Variants in PDE4D observed in about 807,000 individuals in gnomAD.
PDE4D encodes phosphodiesterase 4D.
PDE4D carries 24 observed loss-of-function variants against 87.4 expected under a neutral mutation model. The ratio of observed to expected loss-of-function variants is 0.27; its 90% CI spans 0.20 to 0.39. PDE4D has a LOEUF of 0.39. Among genes scored for constraint, PDE4D ranks in the 10% least tolerant of loss-of-function variants. The pLI, the probability that PDE4D is intolerant of heterozygous loss-of-function variation, is 1.00. For missense variants in PDE4D, 714 were observed against 1,041.0 expected, an observed-to-expected ratio of 0.69 and a Z score of 4.32; for synonymous variants, 384 against 383.2, an observed-to-expected ratio of 1.00 and a Z score of -0.02.
chr5:59,188,096 T>G (rs1743340900), intron 3 of PDE4D, among the ~76,000 whole-genome samples: 1 of 152,134 alleles, frequency 6.6e-6, no homozygotes. Flanking sequence ...TCTTTGCTTT[T>G]GTTCAGGGCA....
At chr5:59,466,259 A>C (rs1562238840) in intron 1 of PDE4D, among the ~76,000 whole-genome samples, 1 of 152,232 alleles carries the variant, frequency 6.6e-6, no homozygotes, top group African/African-American at 2.4e-5. Flanking sequence ...AGAACTTAAA[A>C]TACAATTTCT....
chr5:59,267,453 TTTCTC>T (rs1763034375), intron 1 of PDE4D, among the ~76,000 whole-genome samples: 2 of 152,122 alleles, frequency 1.3e-5, no homozygotes, highest in African/African-American at 4.8e-5. Context: ...CGGGAGCACT[TTTCTC>T]TAGGAAGTCT....
intron 1 of PDE4D, among the ~76,000 whole-genome samples, chr5:59,851,639 G>T (rs1463402323): frequency 6.6e-6 from 1 of 152,002 alleles, no homozygotes; most frequent in Non-Finnish European, 1.5e-5. Context: ...TATTTTGCTG[G>T]TGGGCCAGAT....
intron 1 of PDE4D, among the ~76,000 whole-genome samples, chr5:60,336,355 T>C (rs148793536): frequency 0.014 from 2,111 of 152,312 alleles, 49 homozygotes; most frequent in African/African-American, 0.048. Context: ...AAATATGTGT[T>C]TGTGGCATGG....
chr5:60,096,887 C>T (rs1406971270), intron 2 of PDE4D, among the ~76,000 whole-genome samples: 1 of 151,934 alleles, frequency 6.6e-6, no homozygotes, highest in Non-Finnish European at 1.5e-5. Context: ...TATCTCATAC[C>T]CAAGTCTTAC....
intron 1 of PDE4D, among the ~76,000 whole-genome samples, chr5:59,699,336 G>A (rs547662769): frequency 2.0e-4 from 31 of 152,200 alleles, no homozygotes; most frequent in Non-Finnish European, 3.7e-4. Flanking sequence ...TTATAAGTAC[G>A]TCAACAATTA....
chr5:59,080,178 C>T (rs1766484071), intron 5 of PDE4D, among the ~76,000 whole-genome samples: 1 of 152,170 alleles, frequency 6.6e-6, no homozygotes, highest in Admixed American at 6.6e-5. Context: ...CTATTTCCTG[C>T]ATGACCTCAG....
rs565106370 is a variant in PDE4D, at chr5:59,772,410, C to T, written c.455+120758G>A. 3.5e-4 allele frequency among the ~76,000 whole-genome samples: 53 copies of T among 152,336 alleles called. 2 individuals carry two copies. In the South Asian group the frequency reaches 6.8e-3, roughly 20 times the overall value. On this transcript the variant is annotated intron_variant, in intron 1 of 14. Transcript: ENST00000340635. The stretch of plus-strand genomic sequence containing the variant: ...CGAAATGTTTTGATAAAGTCACCCA[C>T]GCCTAGAACAGCAGATAACATCTCT...
At chr5:59,821,641 A>T (rs1419014643) in intron 1 of PDE4D, among the ~76,000 whole-genome samples, 1 of 152,178 alleles carries the variant, frequency 6.6e-6, no homozygotes, top group African/African-American at 2.4e-5. Context: ...TTTAGTTGCT[A>T]TATTGTTGAG....
intron 1 of PDE4D, among the ~76,000 whole-genome samples, chr5:59,471,216 G>A (rs13157164): frequency 7.2e-5 from 11 of 152,146 alleles, no homozygotes; most frequent in African/African-American, 2.7e-4. Flanking sequence ...CTGCACTCCA[G>A]CCTGGGCAAT....
At chr5:60,410,837 A>G (rs1210745147) in intron 1 of PDE4D, among the ~76,000 whole-genome samples, 4 of 152,372 alleles carry the variant, frequency 2.6e-5, no homozygotes, top group African/African-American at 7.2e-5. Flanking sequence ...GATGGCAATG[A>G]GCCTCAGACA....
rs566748599 is a variant in PDE4D at position 59,922,861 on chromosome 5, G to T, written c.272+65627C>A. On this transcript the variant is annotated intron_variant, in intron 3 of 16. Coordinates refer to the PDE4D transcript ENST00000502484. ...AAGAGGACTTTGTCTTTTAGCTTAG[G>T]CTCCAGCTCAGCCACAGTAGGGTAG... is the stretch of plus-strand genomic sequence containing the variant. Among the ~76,000 whole-genome samples, 4 of 152,054 alleles carry T rather than the reference G, an allele frequency of 2.6e-5. No homozygotes were observed. In the South Asian group the frequency reaches 8.3e-4, roughly 32 times the overall value.
intron 1 of PDE4D, among the ~76,000 whole-genome samples, chr5:60,388,878 T>A (rs1206910335): frequency 6.6e-6 from 1 of 152,190 alleles, no homozygotes; most frequent in Non-Finnish European, 1.5e-5. Flanking sequence ...AAGTAATCCA[T>A]TATCAATAAC....
At chr5:59,393,654 T>C (rs1025766508) in intron 1 of PDE4D, among the ~76,000 whole-genome samples, 1 of 152,190 alleles carries the variant, frequency 6.6e-6, no homozygotes, top group Non-Finnish European at 1.5e-5. Context: ...TTCCAAACAA[T>C]ATACTTTGTG....
intron 1 of PDE4D, among the ~76,000 whole-genome samples, chr5:59,342,278 G>C (rs920629533): frequency 2.6e-5 from 4 of 152,002 alleles, no homozygotes; most frequent in African/African-American, 9.7e-5. Context: ...TTTCCTTCAA[G>C]ACAAATCCAT....
At chr5:59,805,630 A>C (rs954981660) in intron 1 of PDE4D, among the ~76,000 whole-genome samples, 3 of 152,244 alleles carry the variant, frequency 2.0e-5, no homozygotes, top group African/African-American at 7.2e-5. Flanking sequence ...ATGTTGGGGT[A>C]CTGCTCTCAG....
At chr5:59,043,584 C>T (rs1031111738) in intron 5 of PDE4D, among the ~76,000 whole-genome samples, 1 of 152,030 alleles carries the variant, frequency 6.6e-6, no homozygotes, top group Non-Finnish European at 1.5e-5. Context: ...ACTTTAAGTT[C>T]TAGGGTACAT....
At chr5:60,313,787 A>G (rs1430518985) in intron 1 of PDE4D, among the ~76,000 whole-genome samples, 1 of 152,240 alleles carries the variant, frequency 6.6e-6, no homozygotes, top group Non-Finnish European at 1.5e-5. Context: ...TTAGTTCAAC[A>G]TACACAAATC....
intron 1 of PDE4D, among the ~76,000 whole-genome samples, chr5:59,495,770 C>T (rs1387598251): frequency 1.3e-5 from 2 of 152,154 alleles, no homozygotes; most frequent in Non-Finnish European, 2.9e-5. Flanking sequence ...AGGTGTGCAA[C>T]TGGAGAAGTG....
Sources: gnomAD v4.1 joint callset for allele counts (sites outside exome capture counted in the v4.1 genomes callset) on GRCh38, gnomAD v4.1.1 for gene constraint, MANE v1.5 for transcripts, NCBI Gene and HGNC (gene_info 2026-07-23, HGNC 2026-07-21) for gene names.